The following SLC25A40 variants were observed in gnomAD, a reference collection of about 807,000 sequenced individuals.
SLC25A40 encodes mitochondrial glutathione transporter SLC25A40.
Under a neutral mutation model 46.5 loss-of-function variants are expected in SLC25A40, and 41 were observed. The observed-to-expected ratio is 0.88, with a 90% CI of 0.69 to 1.14. The LOEUF (loss-of-function observed/expected upper bound fraction) is 1.14, where lower values mean the gene tolerates loss of function less well. Among genes scored for constraint, SLC25A40 ranks in the 50% most tolerant of loss-of-function variants. SLC25A40 has a pLI of 0.00. For missense variants in SLC25A40, 386 were observed against 393.6 expected (o/e 0.98, Z 0.16); for synonymous variants, 126 against 127.5 (o/e 0.99, Z 0.08).
Position 87,836,818 on chromosome 7 carries a change from TTAAAA to T in SLC25A40, c.824-13_824-9del, listed in dbSNP as rs753873523. 6.2e-6 allele frequency: 9 copies of T among 1,456,280 alleles called. No homozygotes were observed. In the South Asian group the frequency reaches 6.8e-5, roughly 11 times the overall value. The allele number at this position is 1,456,280 out of a possible 1,614,324, so 90.2% of individuals were successfully genotyped here. On this transcript the variant is annotated splice_polypyrimidine_tract_variant and intron_variant, in intron 10 of 11. Transcript: ENST00000341119. ...TATGCAAAGGCATAGAAACTAAATG[TTAAAA>T]TAAAGAAATAATGCTATTATAAATA... is the stretch of plus-strand genomic sequence containing the variant.
At chr7:87,853,819 AG>A (rs1418402800) in intron 5 of SLC25A40, among the ~76,000 whole-genome samples, 1 of 152,024 alleles carries the variant, frequency 6.6e-6, no homozygotes, top group Non-Finnish European at 1.5e-5. Flanking sequence ...GCTCTAAAAA[AG>A]GAAACAGAAA....
At chr7:87,862,080 G>A (rs1838708591) in intron 1 of SLC25A40, among the ~76,000 whole-genome samples, 1 of 152,106 alleles carries the variant, frequency 6.6e-6, no homozygotes. Flanking sequence ...AATCTGAGAA[G>A]TGATTATCAG....
chr7:87,863,821 T>C (rs1388788836), intron 1 of SLC25A40, among the ~76,000 whole-genome samples: 1 of 152,174 alleles, frequency 6.6e-6, no homozygotes, highest in Non-Finnish European at 1.5e-5. Context: ...TAACTGAAAG[T>C]TGTACTCATT....
At chr7:87,855,080 T>C (rs952596019) in intron 4 of SLC25A40, among the ~76,000 whole-genome samples, 9 of 149,718 alleles carry the variant, frequency 6.0e-5, no homozygotes, top group Non-Finnish European at 1.0e-4. Flanking sequence ...GAAGATCACC[T>C]GAGCCCAGGA....
chr7:87,853,938 A>T (rs988304018), intron 5 of SLC25A40, among the ~76,000 whole-genome samples: 2 of 152,208 alleles, frequency 1.3e-5, no homozygotes, highest in African/African-American at 4.8e-5. Context: ...GGAAACTAAG[A>T]AAAGGGTACA....
At position 87,853,679 on chromosome 7, in the gene SLC25A40, C is replaced by T. The variant is rs186122827; in HGVS notation, c.264+525G>A. On this transcript the variant is annotated intron_variant, in intron 5 of 11. Coordinates refer to ENST00000341119, the MANE Select transcript of SLC25A40 (RefSeq NM_018843.4). Reference sequence around the variant, plus strand: ...TTATGCTATGTAAAAAATGCCAACCCCAAAAGGTTATATATGTCATGATTC... The same window carrying T: ...TTATGCTATGTAAAAAATGCCAACCTCAAAAGGTTATATATGTCATGATTC... Among the ~76,000 whole-genome samples the T allele has an allele frequency of 1.2e-3, 182 of 152,168 alleles. 1 individual carries two copies. The highest frequency in any genetic ancestry group is 1.7e-3 in the Non-Finnish European group (117 of 67,974).
chr7:87,847,503 C>T (rs1311688375), intron 7 of SLC25A40, among the ~76,000 whole-genome samples: 1 of 152,100 alleles, frequency 6.6e-6, no homozygotes, highest in Non-Finnish European at 1.5e-5. Context: ...TATGATAAAA[C>T]TCTGAATCCC....
At chr7:87,844,073 T>C in intron 8 of SLC25A40, 1 of 805,064 alleles carries the variant, frequency 1.2e-6, no homozygotes, top group Non-Finnish European at 1.5e-6. Context: ...AAAAAAACTA[T>C]GCATCAATAA....
intron 10 of SLC25A40, among the ~76,000 whole-genome samples, chr7:87,838,772 T>C (rs1285814008): frequency 6.6e-6 from 1 of 151,634 alleles, no homozygotes; most frequent in Non-Finnish European, 1.5e-5. Context: ...GAACAATGTA[T>C]ACTCTTCTTT....
intron 7 of SLC25A40, 79 bp from the exon 8 acceptor site, chr7:87,847,201 A>G (rs775416971): frequency 1.7e-5 from 18 of 1,072,708 alleles, no homozygotes; most frequent in Non-Finnish European, 2.1e-5. Flanking sequence ...AAAAATTAAT[A>G]TTCACAGATT....
chr7:87,865,765 C>G (rs1012453642), intron 1 of SLC25A40, among the ~76,000 whole-genome samples: 1 of 151,726 alleles, frequency 6.6e-6, no homozygotes, highest in Non-Finnish European at 1.5e-5. Context: ...CAGTGAGACT[C>G]CGTCTCGGGG....
intron 10 of SLC25A40, among the ~76,000 whole-genome samples, chr7:87,839,468 G>A (rs1838300638): frequency 6.7e-6 from 1 of 149,482 alleles, no homozygotes. Context: ...TAAGAATAGT[G>A]TTTCAAAAAT....
intron 1 of SLC25A40, among the ~76,000 whole-genome samples, chr7:87,870,246 C>G (rs1838875832): frequency 6.6e-6 from 1 of 150,632 alleles, no homozygotes; most frequent in Non-Finnish European, 1.5e-5. Flanking sequence ...GCTGTCTTTT[C>G]ACTTTCTTCA....
intron 9 of SLC25A40, among the ~76,000 whole-genome samples, chr7:87,843,320 C>T (rs1838361345): frequency 1.3e-5 from 2 of 151,878 alleles, no homozygotes; most frequent in Admixed American, 6.6e-5. Context: ...AATTTTTGTT[C>T]AAATTATTTT....
intron 1 of SLC25A40, among the ~76,000 whole-genome samples, chr7:87,861,105 C>G (rs1838691381): frequency 6.6e-6 from 1 of 152,082 alleles, no homozygotes. Context: ...ACAGGAAATT[C>G]AGCAACTAGT....
At chr7:87,846,869 G>A in intron 8 of SLC25A40, 80 bp downstream of exon 8, 1 of 1,230,104 alleles carries the variant, frequency 8.1e-7, no homozygotes, top group Non-Finnish European at 1.1e-6. Flanking sequence ...ATGGTAAAGA[G>A]TTAAAAATCT....
At chr7:87,861,406 A>G (rs539763026) in intron 1 of SLC25A40, among the ~76,000 whole-genome samples, 3 of 152,302 alleles carry the variant, frequency 2.0e-5, no homozygotes, top group South Asian at 2.1e-4. Flanking sequence ...TTGTATACAG[A>G]AAGTATTTTT....
Position 87,856,346 on chromosome 7 carries a change from G to T in SLC25A40, c.103C>A (p.Pro35Thr), listed in dbSNP as rs772160944. Residue 35 changes from proline to threonine, a missense_variant, in exon 4 of 12, where the codon CCC (proline) becomes ACC (threonine). Transcript: ENST00000341119. Reference protein sequence around the residue: ...GAILTSVIVTPLDVVKIRLQA... With the variant: ...GAILTSVIVTTLDVVKIRLQA... ...AGTCTAATTTTAACAACATCCAGGG[G>T]TGTCACTATGAAGATATGTTAAGTT... 4.3e-6 allele frequency: 7 copies of T among 1,612,936 alleles called. No homozygotes were observed. Among genetic ancestry groups the T allele is most frequent in the Non-Finnish European group, 5.9e-6 (7 of 1,179,194 alleles).
At chr7:87,850,204 GA>G (rs1218511073) in intron 5 of SLC25A40, among the ~76,000 whole-genome samples, 3 of 151,944 alleles carry the variant, frequency 2.0e-5, no homozygotes, top group Non-Finnish European at 4.4e-5. Context: ...TAAGAGCTTA[GA>G]AAAAAAGCTT....
Sources: allele counts gnomAD v4.1 joint callset (sites outside exome capture counted in the v4.1 genomes callset), GRCh38; gene constraint gnomAD v4.1.1; transcripts MANE v1.5; gene names NCBI Gene and HGNC (gene_info 2026-07-23, HGNC 2026-07-21).